CLSTN2: variants seen among roughly 807,000 people sequenced by gnomAD.
The protein encoded by CLSTN2 is calsyntenin 2, also known as calsyntenin-2.
CLSTN2 carries 48 observed loss-of-function variants against 101.2 expected under a neutral mutation model. The observed-to-expected ratio is 0.47, with a 90% confidence interval of 0.38 to 0.60. CLSTN2 has a LOEUF of 0.60. Among genes scored for constraint, CLSTN2 ranks in the 20% least tolerant of loss-of-function variants. The pLI, the probability that CLSTN2 is intolerant of heterozygous loss-of-function variation, is 0.00. For synonymous variants in CLSTN2, 481 were observed against 463.6 expected, an observed-to-expected ratio of 1.04 and a Z score of -0.48; for missense variants, 1,160 against 1,238.2, an observed-to-expected ratio of 0.94 and a Z score of 0.95.
intron 9 of CLSTN2, among the ~76,000 whole-genome samples, chr3:140,543,955 G>T (rs1358355795): frequency 6.6e-6 from 1 of 152,166 alleles, no homozygotes; most frequent in Non-Finnish European, 1.5e-5. Context: ...AATCTAATTA[G>T]CTTGAACTAA....
intron 1 of CLSTN2, among the ~76,000 whole-genome samples, chr3:140,151,987 C>T (rs1432403172): frequency 6.6e-6 from 1 of 152,194 alleles, no homozygotes; most frequent in Admixed American, 6.5e-5. Context: ...TCTCCGCCCA[C>T]TCAGATTATA....
chr3:140,352,772 T>C (rs951219150), intron 2 of CLSTN2, among the ~76,000 whole-genome samples: 5 of 152,148 alleles, frequency 3.3e-5, no homozygotes, highest in African/African-American at 1.2e-4. Context: ...GGGCCTGTTA[T>C]CTTCTTCAGA....
In CLSTN2 at chr3:139,998,336, C is replaced by CTTTTTTTTTTT. The variant is rs60541490; in HGVS notation, c.109+62863_109+62873dup. Among the ~76,000 whole-genome samples the CTTTTTTTTTTT allele has an allele frequency of 8.6e-3, 577 of 66,782 alleles. 70 individuals carry two copies. Among genetic ancestry groups the CTTTTTTTTTTT allele is most frequent in the Non-Finnish European group, 9.7e-3 (405 of 41,554 alleles). The allele number at this position is 66,782 out of a possible 152,430, so 43.8% of individuals were successfully genotyped here. ...ATGGGATAATAGTTCCCCCACATGC[C>CTTTTTTTTTTT]TTTTTTTTTTTTTTTTTTTTGTGAC... On this transcript the variant is annotated intron_variant, in intron 1 of 16. Coordinates refer to ENST00000458420, the MANE Select transcript of CLSTN2 (RefSeq NM_022131.3).
At chr3:140,277,173 G>A (rs759488609) in intron 2 of CLSTN2, among the ~76,000 whole-genome samples, 2 of 152,200 alleles carry the variant, frequency 1.3e-5, no homozygotes. Flanking sequence ...GCCAGATATG[G>A]TTATGTCTGT....
intron 2 of CLSTN2, among the ~76,000 whole-genome samples, chr3:140,223,535 G>A (rs994138974): frequency 1.3e-5 from 2 of 152,064 alleles, no homozygotes; most frequent in African/African-American, 4.8e-5. Context: ...ATCCTAGAAT[G>A]CTTTTTTGCA....
chr3:140,561,641 T>C (rs921547165), intron 12 of CLSTN2, among the ~76,000 whole-genome samples: 8 of 152,196 alleles, frequency 5.3e-5, no homozygotes, highest in African/African-American at 1.9e-4. Context: ...CATAAAAAGA[T>C]AGTGCTTCTG....
intron 2 of CLSTN2, among the ~76,000 whole-genome samples, chr3:140,367,758 G>A (rs529160820): frequency 3.3e-5 from 5 of 152,288 alleles, no homozygotes; most frequent in African/African-American, 1.2e-4. Flanking sequence ...TAAATTTGTA[G>A]CATTGGGTAT....
At chr3:140,245,781 T>C (rs1370589141) in intron 2 of CLSTN2, among the ~76,000 whole-genome samples, 1 of 152,180 alleles carries the variant, frequency 6.6e-6, no homozygotes, top group African/African-American at 2.4e-5. Flanking sequence ...CTGCTCTGAT[T>C]CAGAAAGGTG....
chr3:140,546,571 C>A lies in CLSTN2; in HGVS notation c.1564C>A (p.Leu522Ile), dbSNP rs769263922. ...AQFFHGSLAS[L>I]TIRPGKMESQ... ...GTTCTTTCATGGAAGCCTGGCCAGTCTCACCATCCGCCCTGGCAAAATGGA... is the reference window on the plus strand; with the variant it reads ...GTTCTTTCATGGAAGCCTGGCCAGTATCACCATCCGCCCTGGCAAAATGGA... The change falls in exon 10 of 17, where the codon CTC (leucine) becomes ATC (isoleucine). Residue 522 changes from leucine (L) to isoleucine (I), a missense_variant. Coordinates refer to ENST00000458420, the MANE Select transcript of CLSTN2 (RefSeq NM_022131.3). 2.5e-6 allele frequency: 4 copies of A among 1,614,138 alleles called. No individual in the cohort carries two copies. The Admixed American group carries it at 6.7e-5, about 27-fold the overall frequency.
chr3:140,089,009 C>CA (rs5852967), intron 1 of CLSTN2, among the ~76,000 whole-genome samples: 22,147 of 151,584 alleles, frequency 0.15, 1,940 homozygotes, highest in East Asian at 0.32. Flanking sequence ...TCAACTGAGA[C>CA]AAAAAAAAGC....
chr3:140,532,498 T>C lies in CLSTN2; in HGVS notation c.1507+12T>C, dbSNP rs1293400273. On this transcript the variant is annotated intron_variant, in intron 9 of 16. Transcript: ENST00000458420. ...CGCTTGTTGGCAAGGTAATCCTAAGTGAAACCCTTTTCTCTGACCTGTTTG... is the reference window on the plus strand; with the variant it reads ...CGCTTGTTGGCAAGGTAATCCTAAGCGAAACCCTTTTCTCTGACCTGTTTG... 3.1e-6 allele frequency: 5 copies of C among 1,607,214 alleles called. No individual in the cohort carries two copies. Among genetic ancestry groups the C allele is most frequent in the Non-Finnish European group, 4.3e-6 (5 of 1,175,870 alleles).
intron 2 of CLSTN2, among the ~76,000 whole-genome samples, chr3:140,336,743 G>C (rs1227009723): frequency 6.6e-6 from 1 of 152,158 alleles, no homozygotes; most frequent in Non-Finnish European, 1.5e-5. Context: ...GTCCTGGAGG[G>C]GAGAGCTTTT....
At chr3:140,357,631 C>T (rs112621656) in intron 2 of CLSTN2, among the ~76,000 whole-genome samples, 11 of 152,004 alleles carry the variant, frequency 7.2e-5, no homozygotes, top group Non-Finnish European at 1.5e-4. Flanking sequence ...GAACACTGAG[C>T]CCAGGCAGAA....
chr3:140,503,268 C>A (rs1162377077), intron 8 of CLSTN2, among the ~76,000 whole-genome samples: 2 of 152,222 alleles, frequency 1.3e-5, no homozygotes, highest in Non-Finnish European at 2.9e-5. Flanking sequence ...CACATAATCA[C>A]ATTTCAGTCA....
intron 1 of CLSTN2, among the ~76,000 whole-genome samples, chr3:140,007,880 C>T (rs1187913994): frequency 6.6e-6 from 1 of 152,166 alleles, no homozygotes; most frequent in Non-Finnish European, 1.5e-5. Flanking sequence ...TCTGTATGTA[C>T]CTTCTGGGCA....
chr3:140,455,879 T>G (rs1933385522), intron 6 of CLSTN2, among the ~76,000 whole-genome samples: 1 of 152,240 alleles, frequency 6.6e-6, no homozygotes, highest in Admixed American at 6.5e-5. Context: ...TGCAGCTTGA[T>G]GGTTTCTGGC....
chr3:140,476,992 G>A (rs1934002406), intron 8 of CLSTN2, among the ~76,000 whole-genome samples: 4 of 152,162 alleles, frequency 2.6e-5, no homozygotes, highest in East Asian at 1.9e-4. Flanking sequence ...AGATCACCTC[G>A]CTCCTGAGGC....
chr3:139,937,334 A>T (rs1935041692), intron 1 of CLSTN2, among the ~76,000 whole-genome samples: 2 of 152,246 alleles, frequency 1.3e-5, no homozygotes, highest in Non-Finnish European at 2.9e-5. Flanking sequence ...GAGAGAGATA[A>T]AAAAGGAAAA....
rs368052310 is a variant in CLSTN2, at chr3:140,467,301, C to A, written c.1344+570C>A. Among the ~76,000 whole-genome samples the A allele has an allele frequency of 5.9e-5, 9 of 152,272 alleles. No homozygotes were observed. The East Asian group carries it at 1.5e-3, about 26-fold the overall frequency. ...ATGACAAAGCAAGTGTCTGGTGTGA[C>A]TCCAAAGCTTTGAAGTATGTTTCTG... On this transcript the variant is annotated intron_variant, in intron 8 of 16. Coordinates refer to ENST00000458420, the MANE Select transcript of CLSTN2 (RefSeq NM_022131.3).
Sources: gnomAD v4.1 joint callset for allele counts (sites outside exome capture counted in the v4.1 genomes callset) on GRCh38, gnomAD v4.1.1 for gene constraint, MANE v1.5 for transcripts, NCBI Gene and HGNC (gene_info 2026-07-23, HGNC 2026-07-21) for gene names.